The following NOSIP variants were observed in gnomAD, a reference collection of about 807,000 sequenced individuals.
NOSIP encodes nitric oxide synthase-interacting protein.
Under a neutral mutation model 36.4 loss-of-function variants are expected in NOSIP, and 25 were observed. The ratio of observed to expected loss-of-function variants is 0.69; its 90% CI spans 0.50 to 0.96. The LOEUF is 0.96. Among genes scored for constraint, NOSIP ranks in the 40% least tolerant of loss-of-function variants. The pLI is 0.00. For missense variants in NOSIP, 370 were observed against 429.0 expected, an observed-to-expected ratio of 0.86 and a Z score of 1.21; for synonymous variants, 187 against 179.2, an observed-to-expected ratio of 1.04 and a Z score of -0.35.
chr19:49,573,610 T>C (rs981548023), intron 1 of NOSIP, among the ~76,000 whole-genome samples: 1 of 152,128 alleles, frequency 6.6e-6, no homozygotes, highest in Non-Finnish European at 1.5e-5. Context: ...CATGACATCA[T>C]GCCATTAATA....
Position 49,557,176 on chromosome 19 carries a change from A to G in NOSIP, c.332T>C (p.Val111Ala). Residue 111 changes from valine to alanine, a missense_variant, in exon 5 of 9, where the codon GTG becomes GCG. Coordinates refer to ENST00000596358, the MANE Select transcript of NOSIP (RefSeq NM_001270960.2). ...CGACTCCTTCTCCAGGAAGCCCCGCACATGGTCCTGCGAGGCCGCCCGCTG... is the reference window on the plus strand; with the variant it reads ...CGACTCCTTCTCCAGGAAGCCCCGCGCATGGTCCTGCGAGGCCGCCCGCTG... ...ELQRAASQDH[V>A]RGFLEKESAI... 1 of 1,610,608 alleles carries G rather than the reference A, an allele frequency of 6.2e-7. No homozygotes were observed. The highest frequency in any genetic ancestry group is 8.5e-7 in the Non-Finnish European group (1 of 1,178,790).
intron 1 of NOSIP, among the ~76,000 whole-genome samples, chr19:49,563,496 C>CT (rs35076085): frequency 0.015 from 2,037 of 135,778 alleles, 22 homozygotes; most frequent in Middle Eastern, 0.052. Context: ...CTTGAAAATT[C>CT]TTTTTTTTTT....
At position 49,555,784 on chromosome 19, in the gene NOSIP, T is replaced by G; in HGVS notation, c.873A>C (p.Gln291His). 6.2e-7 allele frequency: 1 copy of G among 1,613,492 alleles called. No homozygotes were observed. The highest frequency in any genetic ancestry group is 8.5e-7 in the Non-Finnish European group (1 of 1,179,780). ...TGFAGSGVKL[Q>H]AEKSRPVMQA ...GCATCACCGGCCGTGATTTCTCCGC[T>G]TGCAGCTTCACTCCGGAGCCCGCGA... is the stretch of plus-strand genomic sequence containing the variant. The change falls in exon 9 of 9, where the codon CAA becomes CAC. Residue 291 changes from glutamine to histidine, a missense_variant. Around this residue, in one of 3 missense-constraint regions of NOSIP, gnomAD observed 18 missense variants for 36.9 expected, o/e 0.49. Transcript: ENST00000596358.
chr19:49,578,817 G>T (rs1015706891), intron 1 of NOSIP, among the ~76,000 whole-genome samples: 2 of 151,414 alleles, frequency 1.3e-5, no homozygotes, highest in African/African-American at 4.9e-5. Context: ...CGGCTAAGGG[G>T]TTTCACCGTG....
Position 49,564,453 on chromosome 19 carries a change from C to CAAAAAAAAAAA in NOSIP, c.-1-3772_-1-3762dup, listed in dbSNP as rs1011453088. ...TAGGGGACAGAGCGAGACTCCATCT[C>CAAAAAAAAAAA]AAAAAAAAAAAAAAAAAAAAAAACA... On this transcript the variant is annotated intron_variant, in intron 1 of 8. Coordinates refer to ENST00000596358, the MANE Select transcript of NOSIP (RefSeq NM_001270960.2). Among the ~76,000 whole-genome samples, 222 of 42,186 alleles carry CAAAAAAAAAAA rather than the reference C, an allele frequency of 5.3e-3. 2 individuals are homozygous for CAAAAAAAAAAA. Among genetic ancestry groups the CAAAAAAAAAAA allele is most frequent in the Non-Finnish European group, 7.0e-3 (140 of 20,122 alleles). 27.7% of individuals were successfully genotyped at this position (42,186 alleles called of 152,430 possible).
chr19:49,568,736 G>A (rs543052467), intron 1 of NOSIP, among the ~76,000 whole-genome samples: 1 of 150,374 alleles, frequency 6.7e-6, no homozygotes, highest in South Asian at 2.1e-4. Flanking sequence ...CTTAAGGCCA[G>A]GAGTTCAAGA....
chr19:49,573,416 C>T (rs561013810), intron 1 of NOSIP, among the ~76,000 whole-genome samples: 1 of 152,178 alleles, frequency 6.6e-6, no homozygotes, highest in African/African-American at 2.4e-5. Context: ...CCGTTACAGC[C>T]CGTCCCTCGG....
At chr19:49,556,447 G>T in intron 7 of NOSIP, 22 bp from the exon 8 acceptor site, 2 of 1,611,658 alleles carry the variant, frequency 1.2e-6, no homozygotes, top group Non-Finnish European at 1.7e-6. Flanking sequence ...CCGAAGGCGG[G>T]AGACTCTGAT....
intron 1 of NOSIP, among the ~76,000 whole-genome samples, chr19:49,574,318 C>T (rs1012292853): frequency 1.3e-5 from 2 of 152,112 alleles, no homozygotes; most frequent in African/African-American, 2.4e-5. Context: ...AAGACAAAAA[C>T]CAAATTATTC....
chr19:49,562,895 G>C (rs1263739708), intron 1 of NOSIP, among the ~76,000 whole-genome samples: 2 of 152,024 alleles, frequency 1.3e-5, no homozygotes, highest in Non-Finnish European at 2.9e-5. Context: ...AAGAAGAGAA[G>C]AGAGAAGATC....
chr19:49,557,214 C>A lies in NOSIP; in HGVS notation c.294G>T (p.Glu98Asp). The A allele has an allele frequency of 1.3e-6, 2 of 1,599,372 alleles. No homozygotes were observed. The highest frequency in any genetic ancestry group is 8.5e-7 in the Non-Finnish European group (1 of 1,173,732). ...YEKQRGTRRE[E>D]QKELQRAASQ... The stretch of plus-strand genomic sequence containing the variant: ...AGGCCGCCCGCTGAAGCTCCTTCTG[C>A]TCCTCGCGCCGGGTGCCCCGCTGCT... The change falls in exon 5 of 9, where the codon GAG becomes GAT. Residue 98 changes from glutamate to aspartate, a missense_variant. Glu to Asp is a conservative substitution (Grantham distance 45, BLOSUM62 2). Around this residue, in one of 3 missense-constraint regions of NOSIP, gnomAD observed 315 missense variants for 331.9 expected, o/e 0.95. Coordinates refer to ENST00000596358, the MANE Select transcript of NOSIP (RefSeq NM_001270960.2).
chr19:49,568,343 C>G (rs529739152), intron 1 of NOSIP, among the ~76,000 whole-genome samples: 2 of 152,166 alleles, frequency 1.3e-5, no homozygotes, highest in Admixed American at 6.6e-5. Flanking sequence ...ATGGAAAGTC[C>G]TAGTACCAGA....
Position 49,579,411 on chromosome 19 carries a change from G to T in NOSIP, c.-2+1104C>A, listed in dbSNP as rs997647721. On this transcript the variant is annotated intron_variant, in intron 1 of 8. Coordinates refer to ENST00000596358, the MANE Select transcript of NOSIP (RefSeq NM_001270960.2). Reference sequence around the variant, plus strand: ...TTCCATGCTTCCAAGCCAAAACTAAGTTGATATCTGATCTTCTGAGATATC... The same window carrying T: ...TTCCATGCTTCCAAGCCAAAACTAATTTGATATCTGATCTTCTGAGATATC... 6 of 152,308 alleles carry T rather than the reference G, an allele frequency of 3.9e-5. No homozygotes were observed. The South Asian group carries it at 6.2e-4, about 16-fold the overall frequency. 9.4% of individuals were successfully genotyped at this position (152,308 alleles called of 1,614,324 possible).
intron 3 of NOSIP, 107 bp downstream of exon 3, chr19:49,559,827 C>A: frequency 2.6e-6 from 2 of 755,010 alleles, no homozygotes; most frequent in South Asian, 3.0e-5. Context: ...AACTGCTCAT[C>A]CAGGGTTCCC....
chr19:49,572,994 G>GC (rs2080506456), intron 1 of NOSIP, among the ~76,000 whole-genome samples: 1 of 121,650 alleles, frequency 8.2e-6, no homozygotes, highest in African/African-American at 3.4e-5. Context: ...AAAAAAAAAA[G>GC]CCCGGCTCTG....
chr19:49,564,074 G>C (rs2080370422), intron 1 of NOSIP, among the ~76,000 whole-genome samples: 1 of 152,126 alleles, frequency 6.6e-6, no homozygotes, highest in East Asian at 1.9e-4. Context: ...GGCTCCATGA[G>C]GTGTGACACT....
At position 49,557,133 on chromosome 19, in the gene NOSIP, GGGCC is replaced by G. The variant is rs1568721916; in HGVS notation, c.371_374del (p.Arg124ProfsTer43). ...GGGCCTTGGCTGTGAAAGGGTTGAG[GGGCC>G]GGCTCACGATAGCCGACTCCTTCTC... On this transcript the variant is annotated frameshift_variant, in exon 5 of 9. Transcript: ENST00000596358. LOFTEE classifies it high-confidence loss of function. The G allele has an allele frequency of 3.1e-6, 5 of 1,612,878 alleles. No homozygotes were observed. The highest frequency in any genetic ancestry group is 1.7e-5 in the Admixed American group (1 of 59,866).
chr19:49,574,319 C>G (rs765728130), intron 1 of NOSIP, among the ~76,000 whole-genome samples: 2 of 152,076 alleles, frequency 1.3e-5, no homozygotes, highest in Non-Finnish European at 2.9e-5. Context: ...AGACAAAAAC[C>G]AAATTATTCA....
intron 1 of NOSIP, among the ~76,000 whole-genome samples, chr19:49,565,768 A>AG (rs2080398381): frequency 1.4e-5 from 2 of 138,002 alleles, no homozygotes; most frequent in African/African-American, 6.6e-5. Flanking sequence ...AAAAGAAAAA[A>AG]AAAAGAAAGA....
Sources: allele counts gnomAD v4.1 joint callset (sites outside exome capture counted in the v4.1 genomes callset), GRCh38; gene constraint gnomAD v4.1.1; regional missense constraint gnomAD v4.1.1; transcripts MANE v1.5; gene names NCBI Gene and HGNC (gene_info 2026-07-23, HGNC 2026-07-21).